Variants in ROBO3 observed in about 807,000 individuals in gnomAD.
ROBO3 encodes the protein roundabout homolog 3.
ROBO3 carries 97 observed loss-of-function variants against 160.5 expected under a neutral mutation model. The observed-to-expected ratio is 0.60, with a 90% confidence interval of 0.51 to 0.72. The LOEUF (loss-of-function observed/expected upper bound fraction) is 0.72. Ranked by LOEUF, ROBO3 falls within the 30% of genes least tolerant of loss-of-function variation. The pLI is 0.00. For synonymous variants in ROBO3, 780 were observed against 746.2 expected (o/e 1.05, Z -0.74); for missense variants, 1,858 against 1,846.5 (o/e 1.01, Z -0.11).
In ROBO3 at chr11:124,879,174, C is replaced by T; in HGVS notation, c.3534-16C>T. On this transcript the variant is annotated splice_polypyrimidine_tract_variant and intron_variant, in intron 23 of 27. Transcript: ENST00000397801. ...TTTGTGGAGGGAACAGAGGCTGCGG[C>T]CTCCTGTCATTGCAGGAGGGTGCCC... 6.5e-7 allele frequency: 1 copy of T among 1,549,124 alleles called. No homozygotes were observed. Among genetic ancestry groups the T allele is most frequent in the African/African-American group, 1.4e-5 (1 of 73,086 alleles).
Position 124,873,841 on chromosome 11 carries a change from C to T in ROBO3, c.1763C>T (p.Ser588Phe), listed in dbSNP as rs2135331116. 1.9e-6 allele frequency: 3 copies of T among 1,613,496 alleles called. No individual in the cohort carries two copies. Among genetic ancestry groups the T allele is most frequent in the Non-Finnish European group, 1.7e-6 (2 of 1,179,640 alleles). ...CCACAAACTGGGGCTGCAGTCACGT[C>T]TTATGTGATAGAGGCCTTCAGGTAT... ...PNPQTGAAVT[S>F]YVIEAFSPAA... Residue 588 changes from serine to phenylalanine, a missense_variant, in exon 11 of 28, where the codon TCT (serine) becomes TTT (phenylalanine). Coordinates refer to ENST00000397801, the MANE Select transcript of ROBO3 (RefSeq NM_022370.4). The surrounding 1 kb of genome is among the most constrained non-coding windows in gnomAD (Gnocchi z 4.5).
Position 124,871,028 on chromosome 11 carries a change from G to A in ROBO3, c.1048G>A (p.Val350Met), listed in dbSNP as rs199875106. Residue 350 changes from valine to methionine, a missense_variant, in exon 7 of 28, where the codon GTG (valine) becomes ATG (methionine). Transcript: ENST00000397801. ...SLSVHVPPQLVTQPQDQMAAP... is the reference protein window; with the variant it reads ...SLSVHVPPQLMTQPQDQMAAP... Reference sequence around the variant, plus strand: ...GCCCTTCCCAGTCCCACCCCAGTTGGTGACCCAGCCCCAGGACCAGATGGC... The same window carrying A: ...GCCCTTCCCAGTCCCACCCCAGTTGATGACCCAGCCCCAGGACCAGATGGC... 9 of 1,607,224 alleles carry A rather than the reference G, an allele frequency of 5.6e-6. No individual in the cohort carries two copies.
intron 13 of ROBO3, 37 bp from the exon 14 acceptor site, chr11:124,875,074 C>A: frequency 6.4e-7 from 1 of 1,550,640 alleles, no homozygotes; most frequent in Non-Finnish European, 8.7e-7. Context: ...ATGGCCCCAG[C>A]CTCCCCTTCT....
rs2135331062 is a variant in ROBO3, at chr11:124,873,824, TG to T, written c.1750del (p.Ala584LeufsTer7). ...TLTWKPNPQTGAAVTSYVIEA... is the reference protein window; with the variant it reads ...TLTWKPNPQTXAAVTSYVIEA... ...TGACCTGGAAGCCCAACCCACAAAC[TG>T]GGGCTGCAGTCACGTCTTATGTGAT... On this transcript the variant is annotated frameshift_variant, in exon 11 of 28. Coordinates refer to ENST00000397801, the MANE Select transcript of ROBO3 (RefSeq NM_022370.4). LOFTEE classifies it high-confidence loss of function. This position sits in a 1 kb window ranked among gnomAD's most constrained non-coding sequence, Gnocchi z 4.5. 6.2e-7 allele frequency: 1 copy of T among 1,613,652 alleles called. No homozygotes were observed. The highest frequency in any genetic ancestry group is 8.5e-7 in the Non-Finnish European group (1 of 1,179,744).
At position 124,868,827 on chromosome 11, in the gene ROBO3, T is replaced by C. The variant is rs1291009599; in HGVS notation, c.186T>C (p.Ala62=). 3 of 1,610,106 alleles carry C rather than the reference T, an allele frequency of 1.9e-6. No individual in the cohort carries two copies. The highest frequency in any genetic ancestry group is 2.5e-6 in the Non-Finnish European group (3 of 1,178,728). ...LNGSRVGPED[A]MPRIVEQPPD... ...GGTCAAGGGTAGGACCGGAGGACGC[T>C]ATGCCCCGCATCGTGGAGCAGCCGC... The change falls in exon 2 of 28, where the codon GCT becomes GCC. Residue 62 remains alanine (A), a synonymous_variant. Transcript: ENST00000397801.
At position 124,876,205 on chromosome 11, in the gene ROBO3, G is replaced by A. The variant is rs1400760681; in HGVS notation, c.2594-70G>A. The A allele has an allele frequency of 1.3e-6, 2 of 1,518,974 alleles. No individual in the cohort carries two copies. The highest frequency in any genetic ancestry group is 1.8e-6 in the Non-Finnish European group (2 of 1,140,674). 94.1% of individuals were successfully genotyped at this position (1,518,974 alleles called of 1,614,324 possible). ...CCACTGGGGTAGCTGTGCCTGCCGG[G>A]TCGGGAATGACCCTTTCCCAGTTCC... On this transcript the variant is annotated intron_variant, in intron 16 of 27. Coordinates refer to ENST00000397801, the MANE Select transcript of ROBO3 (RefSeq NM_022370.4). This position sits in a 1 kb window ranked among gnomAD's most constrained non-coding sequence, Gnocchi z 5.3.
chr11:124,877,075 G>A (rs1946397469), intron 17 of ROBO3, 86 bp from the exon 18 acceptor site: 1 of 1,450,782 alleles, frequency 6.9e-7, no homozygotes, highest in African/African-American at 1.4e-5. Flanking sequence ...CTGGGACCGG[G>A]GCCTAGGCGT....
rs1460455889 is a variant in ROBO3, at chr11:124,865,514, C to T, written c.-64C>T. 4 of 1,548,324 alleles carry T rather than the reference C, an allele frequency of 2.6e-6. No individual in the cohort carries two copies. In the African/African-American group the frequency reaches 5.4e-5, roughly 21 times the overall value. On this transcript the variant is annotated 5_prime_UTR_variant, in exon 1 of 28. Coordinates refer to ENST00000397801, the MANE Select transcript of ROBO3 (RefSeq NM_022370.4). This position sits in a 1 kb window ranked among gnomAD's most constrained non-coding sequence, Gnocchi z 5.5. ...GTGGAGGGGCTTACGGCTCCCAGCC[C>T]ACGGGTCTCAGACCCAGGGGCTGGG...
At position 124,872,056 on chromosome 11, in the gene ROBO3, A is replaced by G. The variant is rs117715073; in HGVS notation, c.1159-325A>G. Among the ~76,000 whole-genome samples, 23 of 152,358 alleles carry G rather than the reference A, an allele frequency of 1.5e-4. No homozygotes were observed. In the East Asian group the frequency reaches 4.4e-3, roughly 29 times the overall value. Reference sequence around the variant, plus strand: ...CCACAACGTGTTAGAAGACTTTCATATGATTACTTCATGTGATCTTTATAA... The same window carrying G: ...CCACAACGTGTTAGAAGACTTTCATGTGATTACTTCATGTGATCTTTATAA... On this transcript the variant is annotated intron_variant, in intron 7 of 27. Coordinates refer to ENST00000397801, the MANE Select transcript of ROBO3 (RefSeq NM_022370.4). This position sits in a 1 kb window ranked among gnomAD's most constrained non-coding sequence, Gnocchi z 4.3.
At position 124,868,788 on chromosome 11, in the gene ROBO3, C is replaced by T. The variant is rs747503043; in HGVS notation, c.161-14C>T. ...TTCCCTGTCTGAACGCTCTGCGCCACCCCCTGTCCCCAGGGTCAAGGGTAG... is the reference window on the plus strand; with the variant it reads ...TTCCCTGTCTGAACGCTCTGCGCCATCCCCTGTCCCCAGGGTCAAGGGTAG... On this transcript the variant is annotated splice_polypyrimidine_tract_variant and intron_variant, in intron 1 of 27. Transcript: ENST00000397801. 1.9e-6 allele frequency: 3 copies of T among 1,596,502 alleles called. No homozygotes were observed. Among genetic ancestry groups the T allele is most frequent in the East Asian group, 2.3e-5 (1 of 44,218 alleles).
At position 124,869,894 on chromosome 11, in the gene ROBO3, A is replaced by C. The variant is rs1320143213; in HGVS notation, c.646-54A>C. On this transcript the variant is annotated intron_variant, in intron 3 of 27. Coordinates refer to ENST00000397801, the MANE Select transcript of ROBO3 (RefSeq NM_022370.4). This position sits in a 1 kb window ranked among gnomAD's most constrained non-coding sequence, Gnocchi z 4.2. ...GTATATACACATATATTCACCATAT[A>C]TATATACGCTGTGATAGCTGAAATG... The C allele has an allele frequency of 6.5e-7, 1 of 1,547,394 alleles. No individual in the cohort carries two copies. The highest frequency in any genetic ancestry group is 1.7e-4 in the Middle Eastern group (1 of 5,926).
intron 24 of ROBO3, 21 bp from the exon 25 acceptor site, chr11:124,879,444 T>A (rs1357810126): frequency 1.2e-6 from 2 of 1,611,930 alleles, no homozygotes; most frequent in Non-Finnish European, 1.7e-6. Flanking sequence ...CCATTCCTCT[T>A]CCCGTCTCCT....
intron 15 of ROBO3, 103 bp downstream of exon 15, chr11:124,875,788 C>T: frequency 6.7e-7 from 1 of 1,498,026 alleles, no homozygotes; most frequent in Non-Finnish European, 9.1e-7. Flanking sequence ...ACAGGTTTGG[C>T]TTTAGGGTTG....
Position 124,870,746 on chromosome 11 carries a change from G to A in ROBO3, c.1033+18G>A, listed in dbSNP as rs1565310201. On this transcript the variant is annotated intron_variant, in intron 6 of 27. Transcript: ENST00000397801. ...TGTTCACGGTGAGGGCTGTACTTGGGACTGCCTGCAGCAGGAATGGTAGGA... is the reference window on the plus strand; with the variant it reads ...TGTTCACGGTGAGGGCTGTACTTGGAACTGCCTGCAGCAGGAATGGTAGGA... 6.2e-7 allele frequency: 1 copy of A among 1,607,760 alleles called. No individual in the cohort carries two copies. The highest frequency in any genetic ancestry group is 2.2e-5 in the East Asian group (1 of 44,696).
In ROBO3 at chr11:124,872,216, T is replaced by G. The variant is rs1169170673; in HGVS notation, c.1159-165T>G. Among the ~76,000 whole-genome samples, 1 of 152,230 alleles carries G rather than the reference T, an allele frequency of 6.6e-6. No individual in the cohort carries two copies. The highest frequency in any genetic ancestry group is 1.5e-5 in the Non-Finnish European group (1 of 68,042). On this transcript the variant is annotated intron_variant, in intron 7 of 27. Coordinates refer to ENST00000397801, the MANE Select transcript of ROBO3 (RefSeq NM_022370.4). The surrounding 1 kb of genome is among the most constrained non-coding windows in gnomAD (Gnocchi z 4.3). ...GTCTAATAAAATTCCCTGATGTTTT[T>G]GTGAATACATTTAACTACTTTGCCC...
Position 124,869,218 on chromosome 11 carries a change from A to G in ROBO3, c.487+90A>G. The G allele has an allele frequency of 7.3e-7, 1 of 1,367,432 alleles. No individual in the cohort carries two copies. Among genetic ancestry groups the G allele is most frequent in the Non-Finnish European group, 1.0e-6 (1 of 999,024 alleles). 84.7% of individuals were successfully genotyped at this position (1,367,432 alleles called of 1,614,324 possible). A position where few individuals can be genotyped will look rare whatever the true frequency, so the allele number is the denominator to read the frequency against. On this transcript the variant is annotated intron_variant, in intron 2 of 27. Coordinates refer to ENST00000397801, the MANE Select transcript of ROBO3 (RefSeq NM_022370.4). The surrounding 1 kb of genome is among the most constrained non-coding windows in gnomAD (Gnocchi z 4.2). ...CAATCAGACCCAGAACCAGCCCCAA[A>G]GGACTTCAGCCCACTCAGCATCCTT...
rs372821877 is a variant in ROBO3 at position 124,875,959 on chromosome 11, G to A, written c.2427G>A (p.Trp809Ter). Residue 809 changes from tryptophan to a stop codon, truncating the protein, a stop_gained, in exon 16 of 28, where the codon TGG (tryptophan) becomes TGA (stop). Transcript: ENST00000397801. LOFTEE classifies it high-confidence loss of function. Reference protein sequence around the residue: ...QNGVITEYQIWCLGNESRFHL... With the variant: ...QNGVITEYQI Reference sequence around the variant, plus strand: ...CCGGGACTCGGCCTCCCTAGATCTGGTGCCTGGGCAATGAGAGCCGCTTTC... The same window carrying A: ...CCGGGACTCGGCCTCCCTAGATCTGATGCCTGGGCAATGAGAGCCGCTTTC... 6 of 1,596,444 alleles carry A rather than the reference G, an allele frequency of 3.8e-6. No homozygotes were observed. Among genetic ancestry groups the A allele is most frequent in the Non-Finnish European group, 5.1e-6 (6 of 1,171,760 alleles).
At position 124,875,269 on chromosome 11, in the gene ROBO3, G is replaced by A; in HGVS notation, c.2232G>A (p.Val744=). ...LPPGTQIQIK[V]QAQGQEGLGA... Reference sequence around the variant, plus strand: ...CAGGGACCCAAATCCAGATCAAGGTGCAAGCCCAAGGCCAGGAGGGGCTGG... The same window carrying A: ...CAGGGACCCAAATCCAGATCAAGGTACAAGCCCAAGGCCAGGAGGGGCTGG... Residue 744 remains valine, a synonymous_variant, in exon 14 of 28, where the codon GTG becomes GTA. Transcript: ENST00000397801. 1 of 1,613,874 alleles carries A rather than the reference G, an allele frequency of 6.2e-7. No individual in the cohort carries two copies. Among genetic ancestry groups the A allele is most frequent in the Non-Finnish European group, 8.5e-7 (1 of 1,179,880 alleles).
At chr11:124,880,924 G>A (rs1477540558) in intron 27 of ROBO3, among the ~76,000 whole-genome samples, 1 of 152,152 alleles carries the variant, frequency 6.6e-6, no homozygotes, top group African/African-American at 2.4e-5. Flanking sequence ...GTGGTGGTAT[G>A]CTCCTGTAGT....
Sources: gnomAD v4.1 joint callset for allele counts (sites outside exome capture counted in the v4.1 genomes callset) on GRCh38, gnomAD v4.1.1 for gene constraint, Gnocchi (gnomAD v3.1) non-coding constraint, MANE v1.5 for transcripts, NCBI Gene and HGNC (gene_info 2026-07-23, HGNC 2026-07-21) for gene names.